TRAF3: variants seen among roughly 807,000 people sequenced by gnomAD.
TRAF3 encodes the protein TNF receptor associated factor 3, also known as TNF receptor-associated factor 3.
TRAF3 carries 13 observed loss-of-function variants against 62.3 expected under a neutral mutation model. That is an observed-to-expected ratio of 0.21 (90% CI 0.14 to 0.33). TRAF3 has a LOEUF of 0.33. TRAF3 is among the 10% of genes least tolerant of loss of function. The pLI, the probability that TRAF3 is intolerant of heterozygous loss-of-function variation, is 1.00. For synonymous variants in TRAF3, 269 were observed against 283.4 expected (o/e 0.95, Z 0.51); for missense variants, 440 against 741.8 (o/e 0.59, Z 4.73).
intron 1 of TRAF3, among the ~76,000 whole-genome samples, chr14:102,829,840 G>A (rs1048552297): frequency 1.1e-4 from 16 of 152,160 alleles, no homozygotes; most frequent in Admixed American, 5.2e-4. Context: ...AGAAATATAT[G>A]TAGCATAGGC....
intron 2 of TRAF3, among the ~76,000 whole-genome samples, chr14:102,865,469 C>T (rs1260599119): frequency 1.3e-5 from 2 of 150,862 alleles, no homozygotes; most frequent in Non-Finnish European, 3.0e-5. Context: ...GTCCCTTTTT[C>T]ATCAGCATCA....
At chr14:102,825,766 A>G (rs1900272640) in intron 1 of TRAF3, among the ~76,000 whole-genome samples, 1 of 152,246 alleles carries the variant, frequency 6.6e-6, no homozygotes, top group African/African-American at 2.4e-5. Context: ...TTCTTCTGGA[A>G]CTTCTGTGGG....
intron 2 of TRAF3, among the ~76,000 whole-genome samples, chr14:102,849,654 CTG>C (rs1295372101): frequency 2.6e-5 from 4 of 152,154 alleles, no homozygotes; most frequent in Non-Finnish European, 5.9e-5. Flanking sequence ...TCATGTGTGA[CTG>C]TGTTCTGCCT....
chr14:102,788,048 T>G (rs371086610), intron 1 of TRAF3, among the ~76,000 whole-genome samples: 31 of 151,666 alleles, frequency 2.0e-4, no homozygotes, highest in South Asian at 1.5e-3. Context: ...GAGACAGGGT[T>G]TCACCATTGT....
chr14:102,887,751 C>T lies in TRAF3; in HGVS notation c.651+1482C>T, dbSNP rs191472828. ...CTGGGACTACAGGCGCCTGCCACCACGCCCGGCTAATTTCTTGTATTTTTT... is the reference window on the plus strand; with the variant it reads ...CTGGGACTACAGGCGCCTGCCACCATGCCCGGCTAATTTCTTGTATTTTTT... On this transcript the variant is annotated intron_variant, in intron 7 of 11. Transcript: ENST00000392745. Among the ~76,000 whole-genome samples the T allele has an allele frequency of 7.1e-3, 1,085 of 152,142 alleles. 9 individuals are homozygous for T. The highest frequency in any genetic ancestry group is 0.012 in the Non-Finnish European group (827 of 68,002).
At chr14:102,827,616 A>G (rs1329640470) in intron 1 of TRAF3, among the ~76,000 whole-genome samples, 1 of 152,024 alleles carries the variant, frequency 6.6e-6, no homozygotes, top group Non-Finnish European at 1.5e-5. Flanking sequence ...CGGATTTTGG[A>G]GCAGTTTGGA....
chr14:102,820,984 G>C (rs186636794), intron 1 of TRAF3, among the ~76,000 whole-genome samples: 1 of 151,922 alleles, frequency 6.6e-6, no homozygotes, highest in African/African-American at 2.4e-5. Flanking sequence ...AGGGAAGTCT[G>C]CCCTTTTTTT....
chr14:102,820,595 TA>T (rs1566755019), intron 1 of TRAF3, among the ~76,000 whole-genome samples: 43 of 8,600 alleles, frequency 5.0e-3, no homozygotes, highest in Non-Finnish European at 7.8e-3. Context: ...TATATATATA[TA>T]TATATATATA....
chr14:102,871,081 T>C (rs1179860504), intron 3 of TRAF3, among the ~76,000 whole-genome samples: 1 of 152,066 alleles, frequency 6.6e-6, no homozygotes, highest in Non-Finnish European at 1.5e-5. Flanking sequence ...GGTGCTGGGG[T>C]CGCTGCGGGA....
intron 10 of TRAF3, among the ~76,000 whole-genome samples, chr14:102,900,960 A>G (rs970893022): frequency 2.0e-5 from 3 of 152,160 alleles, no homozygotes; most frequent in Admixed American, 1.3e-4. Flanking sequence ...TTCTTCAAGG[A>G]TGAAATCACG....
chr14:102,843,077 C>G (rs1418015763), intron 2 of TRAF3, among the ~76,000 whole-genome samples: 4 of 151,632 alleles, frequency 2.6e-5, no homozygotes, highest in African/African-American at 9.7e-5. Context: ...GTGGCAGGTG[C>G]CTGTAATCCC....
intron 2 of TRAF3, among the ~76,000 whole-genome samples, chr14:102,869,588 C>T (rs765272879): frequency 3.9e-5 from 6 of 151,948 alleles, no homozygotes; most frequent in East Asian, 3.9e-4. Context: ...AGGCAGATCA[C>T]GAGGTCAGGA....
At position 102,880,678 on chromosome 14, in the gene TRAF3, A is replaced by G. The variant is rs185585659; in HGVS notation, c.570+4153A>G. Among the ~76,000 whole-genome samples the G allele has an allele frequency of 2.5e-3, 383 of 152,374 alleles. 1 individual carries two copies. The highest frequency in any genetic ancestry group is 8.8e-3 in the African/African-American group (364 of 41,596). On this transcript the variant is annotated intron_variant, in intron 6 of 11. Coordinates refer to ENST00000392745, the MANE Select transcript of TRAF3 (RefSeq NM_145725.3). The stretch of plus-strand genomic sequence containing the variant: ...GCACATGTATGTTCATTGAAGCAGT[A>G]TTGACAATAGCAAAGACATGGAATC...
intron 1 of TRAF3, among the ~76,000 whole-genome samples, chr14:102,788,880 A>T (rs951565260): frequency 6.6e-6 from 1 of 152,194 alleles, no homozygotes; most frequent in South Asian, 2.1e-4. Flanking sequence ...CTGAGGCAGG[A>T]GGATCGCTTG....
chr14:102,895,042 A>G (rs1889928502), intron 9 of TRAF3: 3 of 454,922 alleles, frequency 6.6e-6, no homozygotes, highest in Non-Finnish European at 1.3e-5. Flanking sequence ...ATTTTTTCAA[A>G]AGAGTTGGCA....
intron 2 of TRAF3, among the ~76,000 whole-genome samples, chr14:102,837,959 C>G (rs1886128674): frequency 6.6e-6 from 1 of 152,190 alleles, no homozygotes; most frequent in African/African-American, 2.4e-5. Context: ...TTTGAGCGTA[C>G]AAATGGCAAA....
chr14:102,807,591 G>A (rs1898851589), intron 1 of TRAF3, among the ~76,000 whole-genome samples: 1 of 152,204 alleles, frequency 6.6e-6, no homozygotes, highest in Admixed American at 6.5e-5. Flanking sequence ...CCTTTCACTT[G>A]GAGGATGGGT....
intron 7 of TRAF3, 48 bp downstream of exon 7, chr14:102,886,317 G>T (rs1889385112): frequency 3.9e-6 from 6 of 1,519,278 alleles, no homozygotes; most frequent in Non-Finnish European, 5.4e-6. Context: ...CCTCAGGGCT[G>T]CGTGCCTGGC....
chr14:102,781,648 A>T (rs909088562), intron 1 of TRAF3, among the ~76,000 whole-genome samples: 6 of 151,960 alleles, frequency 3.9e-5, no homozygotes, highest in Non-Finnish European at 7.4e-5. Flanking sequence ...TTTATTTGAA[A>T]CAGGGGCTCA....
Sources: gnomAD v4.1 joint callset for allele counts (sites outside exome capture counted in the v4.1 genomes callset) on GRCh38, gnomAD v4.1.1 for gene constraint, MANE v1.5 for transcripts, NCBI Gene and HGNC (gene_info 2026-07-23, HGNC 2026-07-21) for gene names.